The following CACNA1E variants were observed in gnomAD, a reference collection of about 807,000 sequenced individuals.
CACNA1E encodes the protein calcium voltage-gated channel subunit alpha1 E, also known as voltage-dependent R-type calcium channel subunit alpha-1E.
Under a neutral mutation model 259.2 loss-of-function variants are expected in CACNA1E, and 40 were observed. The ratio of observed to expected loss-of-function variants is 0.15; its 90% confidence interval spans 0.12 to 0.20. The LOEUF is 0.20. CACNA1E is among the 10% of genes least tolerant of loss of function. CACNA1E has a pLI of 1.00. For missense variants in CACNA1E, 1,874 were observed against 3,040.1 expected (o/e 0.62, Z 9.02); for synonymous variants, 1,104 against 1,138.5 (o/e 0.97, Z 0.61).
chr1:181,534,045 C>A (rs1667972670), intron 3 of CACNA1E, among the ~76,000 whole-genome samples: 1 of 151,870 alleles, frequency 6.6e-6, no homozygotes. Context: ...GTATATGTTT[C>A]TTTTTCTTAT....
chr1:181,652,243 A>G (rs1658821556), intron 7 of CACNA1E: 1 of 152,232 alleles, frequency 6.6e-6, no homozygotes, highest in South Asian at 2.1e-4. Flanking sequence ...ATAATGTAAC[A>G]TCTTAGGAGA....
chr1:181,377,681 G>A (rs1209064887), intron 1 of CACNA1E, among the ~76,000 whole-genome samples: 1 of 152,118 alleles, frequency 6.6e-6, no homozygotes, highest in Non-Finnish European at 1.5e-5. Flanking sequence ...TGTGTATCAG[G>A]TACTGTTCTA....
At chr1:181,482,970 C>G (rs1663425932), upstream of CACNA1E, among the ~76,000 whole-genome samples, 1 of 152,282 alleles carries the variant, frequency 6.6e-6, no homozygotes, top group Admixed American at 6.5e-5. Flanking sequence ...CTAGCCCAAG[C>G]GCAGGAGCTT....
At chr1:181,470,010 T>C (rs2102406931) in intron 2 of CACNA1E, among the ~76,000 whole-genome samples, 1 of 152,016 alleles carries the variant, frequency 6.6e-6, no homozygotes, top group East Asian at 1.9e-4. Flanking sequence ...TCATCCCTCC[T>C]GCATGTTAGG....
At chr1:181,644,317 C>A (rs1173537472) in intron 6 of CACNA1E, among the ~76,000 whole-genome samples, 1 of 152,152 alleles carries the variant, frequency 6.6e-6, no homozygotes, top group Admixed American at 6.5e-5. Context: ...TTGCTTGGAT[C>A]CTCAGGGAAG....
chr1:181,490,101 A>C (rs998880502), intron 1 of CACNA1E, among the ~76,000 whole-genome samples: 1 of 152,156 alleles, frequency 6.6e-6, no homozygotes, highest in Non-Finnish European at 1.5e-5. Context: ...ATCTTTGCTC[A>C]CTGAGCACCC....
chr1:181,740,035 G>A (rs966241517), intron 25 of CACNA1E, among the ~76,000 whole-genome samples: 4 of 152,052 alleles, frequency 2.6e-5, no homozygotes, highest in South Asian at 2.1e-4. Context: ...TTCCTAACCC[G>A]GTGTATAGAG....
intron 38 of CACNA1E, chr1:181,779,504 C>G (rs771128791): frequency 2.2e-6 from 1 of 455,254 alleles, no homozygotes; most frequent in South Asian, 1.6e-5. Flanking sequence ...TCCTCTGGGC[C>G]TGGGAGAGAA....
intron 6 of CACNA1E, among the ~76,000 whole-genome samples, chr1:181,605,860 A>AT (rs1207707702): frequency 6.6e-6 from 1 of 152,210 alleles, no homozygotes; most frequent in East Asian, 1.9e-4. Context: ...AGATTTTGGC[A>AT]TTGACATTTA....
intron 7 of CACNA1E, among the ~76,000 whole-genome samples, chr1:181,685,806 C>G (rs1245208441): frequency 6.6e-6 from 1 of 152,142 alleles, no homozygotes. Flanking sequence ...TCTGGTTTCT[C>G]AATACTTACT....
chr1:181,668,524 T>C (rs560844892), intron 7 of CACNA1E, among the ~76,000 whole-genome samples: 18 of 152,288 alleles, frequency 1.2e-4, no homozygotes, highest in African/African-American at 4.3e-4. Flanking sequence ...GTGCAGTCGC[T>C]GGGCCATATG....
chr1:181,583,528 T>G (rs1651762435), intron 6 of CACNA1E, among the ~76,000 whole-genome samples: 1 of 152,220 alleles, frequency 6.6e-6, no homozygotes, highest in Non-Finnish European at 1.5e-5. Context: ...GAAGAAGCTC[T>G]CAAGCATGTG....
At chr1:181,370,587 A>G (rs756519431) in intron 1 of CACNA1E, among the ~76,000 whole-genome samples, 57 of 152,086 alleles carry the variant, frequency 3.7e-4, no homozygotes, top group Non-Finnish European at 6.3e-4. Flanking sequence ...AGCTGCATCT[A>G]TGTTGCTGAA....
chr1:181,395,712 A>G (rs1463490032), intron 1 of CACNA1E, among the ~76,000 whole-genome samples: 1 of 152,238 alleles, frequency 6.6e-6, no homozygotes, highest in East Asian at 1.9e-4. Context: ...AGCTTAAAGA[A>G]TCGAGGCAGA....
intron 25 of CACNA1E, among the ~76,000 whole-genome samples, chr1:181,743,152 C>T (rs1304459241): frequency 6.6e-6 from 1 of 152,160 alleles, no homozygotes; most frequent in Non-Finnish European, 1.5e-5. Flanking sequence ...CTTCGTTATT[C>T]CGCTGCCCTG....
intron 1 of CACNA1E, among the ~76,000 whole-genome samples, chr1:181,406,661 G>T (rs982651003): frequency 2.0e-5 from 3 of 152,108 alleles, no homozygotes; most frequent in African/African-American, 7.2e-5. Context: ...CTCCCAAAGT[G>T]GATGTATCTA....
intron 6 of CACNA1E, among the ~76,000 whole-genome samples, chr1:181,614,081 T>C (rs1654995159): frequency 6.6e-6 from 1 of 152,252 alleles, no homozygotes; most frequent in Admixed American, 6.5e-5. Flanking sequence ...GCCTTGCTTA[T>C]AGCAATCCTG....
intron 7 of CACNA1E, among the ~76,000 whole-genome samples, chr1:181,699,078 T>G (rs544100039): frequency 1.3e-5 from 2 of 152,278 alleles, no homozygotes; most frequent in South Asian, 4.1e-4. Flanking sequence ...GGTAGAGAAT[T>G]CTTAGATTGA....
exon 1 of CACNA1E, chr1:181,317,888 C>G (rs1250253851): frequency 1.3e-5 from 2 of 151,732 alleles, no homozygotes; most frequent in African/African-American, 2.4e-5. Flanking sequence ...TAAATTGTCT[C>G]TCTTCTCTTT....
Sources: gnomAD v4.1 joint callset for allele counts (sites outside exome capture counted in the v4.1 genomes callset) on GRCh38, gnomAD v4.1.1 for gene constraint, MANE v1.5 for transcripts, NCBI Gene and HGNC (gene_info 2026-07-23, HGNC 2026-07-21) for gene names.